CAGE1: variants seen among roughly 807,000 people sequenced by gnomAD.
The protein encoded by CAGE1 is cancer-associated gene 1 protein.
CAGE1 carries 66 observed loss-of-function variants against 94.9 expected under a neutral mutation model. That is an observed-to-expected ratio of 0.70 (90% CI 0.57 to 0.85). CAGE1 has a LOEUF of 0.85. Among genes scored for constraint, CAGE1 ranks in the 40% least tolerant of loss-of-function variants. CAGE1 has a pLI of 0.00. For missense variants in CAGE1, 865 were observed against 950.4 expected, an observed-to-expected ratio of 0.91 and a Z score of 1.18; for synonymous variants, 319 against 321.0, an observed-to-expected ratio of 0.99 and a Z score of 0.07.
chr6:7,327,920 A>C (rs1758591213), intron 13 of CAGE1, among the ~76,000 whole-genome samples: 1 of 146,794 alleles, frequency 6.8e-6, no homozygotes, highest in African/African-American at 2.5e-5. Context: ...ACAAGAGTGA[A>C]ACTCCGTCTA....
At position 7,339,161 on chromosome 6, in the gene CAGE1, G is replaced by A. The variant is rs368609371; in HGVS notation, c.2370-5071C>T. The A allele has an allele frequency of 3.3e-5, 50 of 1,515,750 alleles. No homozygotes were observed. In the East Asian group the frequency reaches 3.8e-4, roughly 12 times the overall value. The allele number at this position is 1,515,750 out of a possible 1,614,324, so 93.9% of individuals were successfully genotyped here. On this transcript the variant is annotated intron_variant, in intron 11 of 13. Transcript: ENST00000502583. The surrounding 1 kb of genome is among the most constrained non-coding windows in gnomAD (Gnocchi z 4.7). ...GTCCTCAGAGTTTCCCAGACACCAC[G>A]ACCTCACAGCCTTTGGCCCCAGTTT...
At chr6:7,378,526 C>T in intron 4 of CAGE1, 91 bp downstream of exon 4, 1 of 1,138,688 alleles carries the variant, frequency 8.8e-7, no homozygotes, top group East Asian at 2.4e-5. Flanking sequence ...CACAATCGTA[C>T]CTCCTCTGCT....
At position 7,386,997 on chromosome 6, in the gene CAGE1, G is replaced by A; in HGVS notation, c.177C>T (p.Thr59=). 6.4e-7 allele frequency: 1 copy of A among 1,551,432 alleles called. No homozygotes were observed. The highest frequency in any genetic ancestry group is 1.2e-5 in the South Asian group (1 of 84,046). The change falls in exon 2 of 14, where the codon ACC becomes ACT. Residue 59 remains threonine, a synonymous_variant. Coordinates refer to ENST00000502583, the MANE Select transcript of CAGE1 (RefSeq NM_001170692.2). ...HSPICMETTG[T]TCDLPQNEIK... ...TGCACACCTGAGGCAAGTCACAAGT[G>A]GTGCCGGTGGTTTCCATACAGATTG...
chr6:7,387,119 C>G lies in CAGE1; in HGVS notation c.55G>C (p.Glu19Gln), dbSNP rs1214973827. 6.4e-7 allele frequency: 1 copy of G among 1,551,270 alleles called. No individual in the cohort carries two copies. The highest frequency in any genetic ancestry group is 1.2e-5 in the South Asian group (1 of 84,042). ...ACTTTTTCATGAGAAGTATCCACTT[C>G]AAAATGTACAGGATCTGAAGGTGAT... The part of the protein sequence containing the change: ...WSSPSDPVHF[E>Q]VDTSHEKVES... Residue 19 changes from glutamate to glutamine, a missense_variant, in exon 2 of 14, where the codon GAA becomes CAA. Physicochemically the swap from Glu to Gln is conservative, Grantham distance 29. Transcript: ENST00000502583.
chr6:7,387,916 C>T (rs993025803), intron 1 of CAGE1, among the ~76,000 whole-genome samples: 8 of 150,418 alleles, frequency 5.3e-5, no homozygotes, highest in Non-Finnish European at 1.0e-4. Flanking sequence ...TGCCTGTAGT[C>T]CCAGCTACTC....
At chr6:7,370,199 C>T (rs1340237555) in intron 5 of CAGE1, 134 bp from the exon 6 acceptor site, 1 of 519,476 alleles carries the variant, frequency 1.9e-6, no homozygotes, top group Non-Finnish European at 3.3e-6. Flanking sequence ...CTTAGGATCC[C>T]TTTAGAAATT....
chr6:7,345,081 C>A (rs928301692), intron 11 of CAGE1, among the ~76,000 whole-genome samples: 1 of 152,096 alleles, frequency 6.6e-6, no homozygotes, highest in Non-Finnish European at 1.5e-5. Context: ...TTTGTTCTTT[C>A]ACCCTGCAGT....
chr6:7,367,399 C>T (rs564622537), intron 7 of CAGE1, among the ~76,000 whole-genome samples: 1 of 151,832 alleles, frequency 6.6e-6, no homozygotes, highest in Admixed American at 6.6e-5. Context: ...CCTCAGCCTC[C>T]GGAATAGCTA....
chr6:7,346,002 A>G (rs999224634), intron 11 of CAGE1, among the ~76,000 whole-genome samples: 6 of 152,212 alleles, frequency 3.9e-5, no homozygotes, highest in Non-Finnish European at 8.8e-5. Context: ...TTTTAGCAGA[A>G]TCAATAGACT....
intron 11 of CAGE1, among the ~76,000 whole-genome samples, chr6:7,351,424 G>A (rs1246498076): frequency 6.6e-6 from 1 of 151,712 alleles, no homozygotes; most frequent in Non-Finnish European, 1.5e-5. Context: ...TAGAGAAAGA[G>A]AAAACCCTCC....
intron 2 of CAGE1, 62 bp from the exon 3 acceptor site, chr6:7,385,934 T>A: frequency 1.2e-6 from 1 of 861,534 alleles, no homozygotes; most frequent in Non-Finnish European, 1.8e-6. Context: ...TCTAAAGGTA[T>A]TTGCACATTG....
chr6:7,353,246 C>T (rs1250850720), intron 11 of CAGE1, among the ~76,000 whole-genome samples: 1 of 152,112 alleles, frequency 6.6e-6, no homozygotes, highest in Non-Finnish European at 1.5e-5. Context: ...ATAGACAATT[C>T]TCAAAAGAAG....
Position 7,389,677 on chromosome 6 carries a change from T to G in CAGE1, c.-499A>C. The stretch of plus-strand genomic sequence containing the variant: ...GCACGGGCCTCGCCGTGCCGGCTAC[T>G]CAACACGCCTTCCTGAGAGCACAGA... On this transcript the variant is annotated 5_prime_UTR_variant, in exon 1 of 14. An upstream open reading frame in the 5' UTR loses its in-frame stop. Coordinates refer to ENST00000502583, the MANE Select transcript of CAGE1 (RefSeq NM_001170692.2). 2.3e-6 allele frequency: 1 copy of G among 442,704 alleles called. No homozygotes were observed. The highest frequency in any genetic ancestry group is 4.2e-6 in the Non-Finnish European group (1 of 239,960). 27.4% of individuals were successfully genotyped at this position (442,704 alleles called of 1,614,324 possible).
chr6:7,360,471 A>C (rs1379628730), intron 9 of CAGE1, among the ~76,000 whole-genome samples: 2 of 152,118 alleles, frequency 1.3e-5, no homozygotes, highest in Non-Finnish European at 2.9e-5. Context: ...GTTGTCTTAC[A>C]CTCTGATAGT....
intron 7 of CAGE1, among the ~76,000 whole-genome samples, chr6:7,366,245 C>CAA (rs775283906): frequency 0.11 from 7,784 of 70,950 alleles, 571 homozygotes; most frequent in African/African-American, 0.22. Context: ...GACTCTGTCT[C>CAA]AAAAAAAAAA....
In CAGE1 at chr6:7,356,041, C is replaced by T; in HGVS notation, c.2282G>A (p.Gly761Asp). The change falls in exon 10 of 14, where the codon GGC (glycine) becomes GAC (aspartate). Residue 761 changes from glycine to aspartate, a missense_variant. Transcript: ENST00000502583. ...AATGTCTACCTTCTTTATTAAGTTG[C>T]CTAAATGTCTTTGATACTTGTCATT... ...EENDKYQRHL[G>D]NLIKKVTSYE... 1 of 1,539,448 alleles carries T rather than the reference C, an allele frequency of 6.5e-7. No individual in the cohort carries two copies. The highest frequency in any genetic ancestry group is 8.8e-7 in the Non-Finnish European group (1 of 1,136,102).
At chr6:7,337,140 G>A in intron 11 of CAGE1, among the ~76,000 whole-genome samples, 1 of 151,934 alleles carries the variant, frequency 6.6e-6, no homozygotes, top group East Asian at 1.9e-4. Context: ...GGCCAACATG[G>A]TGAAACCCCG....
intron 11 of CAGE1, chr6:7,341,308 C>T (rs1759165569): frequency 3.0e-6 from 2 of 675,040 alleles, no homozygotes; most frequent in Non-Finnish European, 5.4e-6. Context: ...AAGAGGAAGC[C>T]AGAGATGCCA....
intron 11 of CAGE1, among the ~76,000 whole-genome samples, chr6:7,345,724 G>C (rs907296063): frequency 1.3e-5 from 2 of 151,762 alleles, no homozygotes; most frequent in Non-Finnish European, 2.9e-5. Context: ...TCAGGAAATT[G>C]AGACCATCCT....
Sources: gnomAD v4.1 joint callset for allele counts (sites outside exome capture counted in the v4.1 genomes callset) on GRCh38, gnomAD v4.1.1 for gene constraint, Gnocchi (gnomAD v3.1) non-coding constraint, MANE v1.5 for transcripts, NCBI Gene and HGNC (gene_info 2026-07-23, HGNC 2026-07-21) for gene names.